Variants in RIN2 observed in about 807,000 individuals in gnomAD.
RIN2 encodes RAB5 interacting protein 2.
A neutral mutation model predicts 78.0 loss-of-function variants in RIN2; 36 were observed. That is an observed-to-expected ratio of 0.46 (90% CI 0.35 to 0.61). The LOEUF is 0.61. RIN2 is among the 20% of genes least tolerant of loss of function. The pLI is 0.00. For missense variants in RIN2, 1,087 were observed against 1,159.7 expected (o/e 0.94, Z 0.91); for synonymous variants, 466 against 466.8 (o/e 1.00, Z 0.02).
intron 4 of RIN2, among the ~76,000 whole-genome samples, chr20:19,941,382 G>T (rs142201919): frequency 2.9e-4 from 44 of 152,284 alleles, no homozygotes; most frequent in African/African-American, 1.0e-3. Context: ...ACTTCCTTAA[G>T]TCTCAAGAGG....
In RIN2 at chr20:19,889,711, T is replaced by C. The variant is rs1209836366; in HGVS notation, c.57+53T>C. 4 of 1,359,014 alleles carry C rather than the reference T, an allele frequency of 2.9e-6. No individual in the cohort carries two copies. The Admixed American group carries it at 7.6e-5, about 26-fold the overall frequency. 84.2% of individuals were successfully genotyped at this position (1,359,014 alleles called of 1,614,324 possible). A position where few individuals can be genotyped will look rare whatever the true frequency, so the allele number is the denominator to read the frequency against. ...AACTCGTCGGCTTGCTGCCTGAGCC[T>C]GGGAGCTGCGGTGCTCCATGGAGCT... On this transcript the variant is annotated intron_variant, in intron 3 of 12. Coordinates refer to ENST00000255006, the MANE Select transcript of RIN2 (RefSeq NM_018993.4).
At chr20:19,825,745 C>T (rs2036071187) in intron 2 of RIN2, among the ~76,000 whole-genome samples, 1 of 152,210 alleles carries the variant, frequency 6.6e-6, no homozygotes, top group African/African-American at 2.4e-5. Flanking sequence ...GATGCTCTCA[C>T]GTGTGTTTCT....
At chr20:19,865,517 T>G (rs570845556) in intron 2 of RIN2, among the ~76,000 whole-genome samples, 1 of 98,282 alleles carries the variant, frequency 1.0e-5, no homozygotes, top group African/African-American at 4.9e-5. Context: ...AACAGTGTCT[T>G]GCTCTGTTAA....
Position 19,954,339 on chromosome 20 carries a change from A to AT in RIN2, c.159-2275dup, listed in dbSNP as rs143101335. Among the ~76,000 whole-genome samples the AT allele has an allele frequency of 1.2e-3, 184 of 152,298 alleles. 2 individuals are homozygous for AT. In the East Asian group the frequency reaches 0.032, roughly 26 times the overall value. On this transcript the variant is annotated intron_variant, in intron 4 of 12. Coordinates refer to ENST00000255006, the MANE Select transcript of RIN2 (RefSeq NM_018993.4). ...TTGGGTTTAGAGGATTGAAGACCAT[A>AT]TGTACCCGAATCTAAACCTGCTTGT...
intron 3 of RIN2, among the ~76,000 whole-genome samples, chr20:19,914,428 A>G (rs1399875796): frequency 6.6e-6 from 1 of 152,180 alleles, no homozygotes; most frequent in Non-Finnish European, 1.5e-5. Flanking sequence ...CTTTCCCAGT[A>G]TGTACTTTCC....
intron 3 of RIN2, among the ~76,000 whole-genome samples, chr20:19,904,673 C>A (rs904386363): frequency 4.6e-5 from 7 of 152,150 alleles, no homozygotes; most frequent in African/African-American, 1.7e-4. Flanking sequence ...GGGCAGGATG[C>A]CAGTCATGCC....
intron 3 of RIN2, among the ~76,000 whole-genome samples, chr20:19,921,601 G>A (rs559520796): frequency 3.9e-5 from 6 of 152,318 alleles, no homozygotes; most frequent in South Asian, 2.1e-4. Flanking sequence ...AGGTGGGGGC[G>A]TTTGGGAGCA....
chr20:19,919,645 T>G (rs937614393), intron 3 of RIN2, among the ~76,000 whole-genome samples: 1 of 150,116 alleles, frequency 6.7e-6, no homozygotes, highest in Non-Finnish European at 1.5e-5. Context: ...GTCTCTACTA[T>G]AAATACAAAA....
At chr20:19,937,801 A>G (rs879668551) in intron 4 of RIN2, among the ~76,000 whole-genome samples, 2 of 152,246 alleles carry the variant, frequency 1.3e-5, no homozygotes, top group Admixed American at 6.5e-5. Flanking sequence ...AGATAGGCAT[A>G]AATGACACAA....
At chr20:19,967,302 A>G (rs2041970094) in intron 7 of RIN2, among the ~76,000 whole-genome samples, 2 of 152,206 alleles carry the variant, frequency 1.3e-5, no homozygotes, top group Non-Finnish European at 2.9e-5. Flanking sequence ...GAAGGCCAAG[A>G]TTAATTTCCC....
At chr20:19,831,109 T>C (rs986655282) in intron 2 of RIN2, among the ~76,000 whole-genome samples, 1 of 152,154 alleles carries the variant, frequency 6.6e-6, no homozygotes, top group African/African-American at 2.4e-5. Flanking sequence ...AGTACACAGA[T>C]GCCCCAGCAT....
intron 8 of RIN2, among the ~76,000 whole-genome samples, chr20:19,973,649 C>T (rs142269070): frequency 3.4e-4 from 52 of 152,196 alleles, no homozygotes; most frequent in African/African-American, 1.2e-3. Context: ...ATTAGCCAGG[C>T]GTGGTGGTGT....
At chr20:19,802,578 G>T (rs1177528656) in intron 2 of RIN2, among the ~76,000 whole-genome samples, 1 of 152,024 alleles carries the variant, frequency 6.6e-6, no homozygotes, top group Non-Finnish European at 1.5e-5. Context: ...GTTATAGAAA[G>T]GCAGGCTGGA....
chr20:19,933,755 C>T (rs1486836098), intron 3 of RIN2, among the ~76,000 whole-genome samples: 2 of 152,184 alleles, frequency 1.3e-5, no homozygotes, highest in Non-Finnish European at 2.9e-5. Context: ...TTAGTGAGAA[C>T]AGTGCTCAAA....
chr20:19,971,961 C>T (rs541788473), intron 8 of RIN2, among the ~76,000 whole-genome samples: 5 of 152,194 alleles, frequency 3.3e-5, no homozygotes, highest in South Asian at 2.1e-4. Flanking sequence ...AAGCTGGTCT[C>T]GAAATCCTGA....
intron 2 of RIN2, among the ~76,000 whole-genome samples, chr20:19,821,744 C>T (rs1417039393): frequency 6.6e-6 from 1 of 152,152 alleles, no homozygotes; most frequent in Non-Finnish European, 1.5e-5. Context: ...TTTTCTGCAA[C>T]ACCCTTCTGG....
chr20:20,000,861 T>C lies in RIN2; in HGVS notation c.2613T>C (p.Phe871=), dbSNP rs1307465199. Reference sequence around the variant, plus strand: ...GACCACAGCCCCACATCTTCCACTTTGTCTACAAACGCATCAAGAACGATC... The same window carrying C: ...GACCACAGCCCCACATCTTCCACTTCGTCTACAAACGCATCAAGAACGATC... ...HSRPQPHIFH[F]VYKRIKNDPY... is the part of the protein sequence containing the mutation. The change falls in exon 13 of 13, where the codon TTT becomes TTC. Residue 871 remains phenylalanine, a synonymous_variant. Transcript: ENST00000255006. 1.2e-5 allele frequency: 19 copies of C among 1,613,876 alleles called. No individual in the cohort carries two copies. Among genetic ancestry groups the C allele is most frequent in the East Asian group, 6.7e-5 (3 of 44,898 alleles).
intron 2 of RIN2, chr20:19,823,387 G>C (rs115849282): frequency 0.095 from 25,302 of 266,886 alleles, 57 homozygotes; most frequent in Middle Eastern, 0.19. Context: ...TGCTCTGCCT[G>C]CTTTTTTTTT....
chr20:19,910,782 G>A (rs755319986), intron 3 of RIN2, among the ~76,000 whole-genome samples: 6 of 151,242 alleles, frequency 4.0e-5, no homozygotes, highest in Admixed American at 4.0e-4. Context: ...TGGCCAGGCT[G>A]GTCACAAACT....
Sources: allele counts gnomAD v4.1 joint callset (sites outside exome capture counted in the v4.1 genomes callset), GRCh38; gene constraint gnomAD v4.1.1; transcripts MANE v1.5; gene names NCBI Gene and HGNC (gene_info 2026-07-23, HGNC 2026-07-21).